Variants in ASCC2 observed in about 807,000 individuals in gnomAD.
ASCC2 encodes the protein activating signal cointegrator 1 complex subunit 2.
ASCC2 carries 42 observed loss-of-function variants against 93.5 expected under a neutral mutation model. The observed-to-expected ratio is 0.45, with a 90% CI of 0.35 to 0.58. The LOEUF (loss-of-function observed/expected upper bound fraction) is 0.58. Ranked by LOEUF, ASCC2 falls within the 20% of genes least tolerant of loss-of-function variation. The pLI, the probability that ASCC2 is intolerant of heterozygous loss-of-function variation, is 0.00. For missense variants in ASCC2, 859 were observed against 977.6 expected (o/e 0.88, Z 1.62); for synonymous variants, 364 against 384.2 (o/e 0.95, Z 0.62).
intron 13 of ASCC2, among the ~76,000 whole-genome samples, chr22:29,802,544 T>C (rs548868317): frequency 6.6e-6 from 1 of 151,824 alleles, no homozygotes; most frequent in Non-Finnish European, 1.5e-5. Flanking sequence ...CTCATACCTA[T>C]AATCCCAGCA....
intron 2 of ASCC2, among the ~76,000 whole-genome samples, chr22:29,827,234 T>G (rs1313088845): frequency 6.6e-6 from 1 of 152,010 alleles, no homozygotes; most frequent in Non-Finnish European, 1.5e-5. Flanking sequence ...AGCCCCTACT[T>G]GCCATGAACA....
intron 5 of ASCC2, among the ~76,000 whole-genome samples, chr22:29,819,802 A>G (rs2061340286): frequency 6.6e-6 from 1 of 152,160 alleles, no homozygotes; most frequent in Non-Finnish European, 1.5e-5. Context: ...CTCTAACTGT[A>G]CCTTCTGATG....
intron 14 of ASCC2, 48 bp from the exon 15 acceptor site, chr22:29,801,158 T>C (rs775148762): frequency 9.0e-6 from 14 of 1,556,420 alleles, no homozygotes; most frequent in Non-Finnish European, 1.2e-5. Context: ...TGCCAGCTGA[T>C]GCAATCTGCA....
chr22:29,806,927 A>G (rs747339261), intron 9 of ASCC2, 23 bp from the exon 10 acceptor site: 1 of 1,594,438 alleles, frequency 6.3e-7, no homozygotes, highest in East Asian at 2.2e-5. Flanking sequence ...GAAAAAAGAC[A>G]CAGGTTTAGG....
chr22:29,788,938 A>T lies in ASCC2; in HGVS notation c.*75T>A. 1.3e-6 allele frequency: 2 copies of T among 1,581,260 alleles called. No individual in the cohort carries two copies. Among genetic ancestry groups the T allele is most frequent in the Non-Finnish European group, 1.7e-6 (2 of 1,155,388 alleles). ...TGAGTTGAACTTGGGGCCCCTAGTGAGGAGGCCCCAGGCGATGGGAGCACG... is the reference window on the plus strand; with the variant it reads ...TGAGTTGAACTTGGGGCCCCTAGTGTGGAGGCCCCAGGCGATGGGAGCACG... On this transcript the variant is annotated 3_prime_UTR_variant, in exon 20 of 20. Transcript: ENST00000307790.
intron 15 of ASCC2, among the ~76,000 whole-genome samples, chr22:29,800,226 C>T (rs1290028031): frequency 1.3e-5 from 2 of 152,214 alleles, no homozygotes; most frequent in Admixed American, 1.3e-4. Context: ...AGTGACCCCT[C>T]CTCACCCTTT....
At chr22:29,830,420 T>C (rs1280196291) in intron 2 of ASCC2, among the ~76,000 whole-genome samples, 1 of 152,220 alleles carries the variant, frequency 6.6e-6, no homozygotes, top group Non-Finnish European at 1.5e-5. Context: ...TCAGGATCTC[T>C]CAAGACTCCA....
In ASCC2 at chr22:29,792,567, C is replaced by T. The variant is rs562156197; in HGVS notation, c.1920-32G>A. On this transcript the variant is annotated intron_variant, in intron 17 of 19. Transcript: ENST00000307790. ...GTGTGGAGAGAAATGAGATCAAAGA[C>T]GAGGTTCAACCAGGAGCAAGAGCCA... 1.8e-4 allele frequency: 290 copies of T among 1,611,586 alleles called. 3 individuals are homozygous for T. The South Asian group carries it at 2.8e-3, about 16-fold the overall frequency.
chr22:29,823,036 T>A (rs929946848), intron 4 of ASCC2, among the ~76,000 whole-genome samples: 14 of 145,118 alleles, frequency 9.6e-5, no homozygotes, highest in South Asian at 4.4e-4. Context: ...TTAAAAAAAA[T>A]TTTTTTTTAA....
At chr22:29,818,419 C>CT (rs1454025982) in intron 5 of ASCC2, among the ~76,000 whole-genome samples, 1 of 30,994 alleles carries the variant, frequency 3.2e-5, no homozygotes, top group Non-Finnish European at 7.8e-5. Flanking sequence ...CACACACACA[C>CT]ACACACACAC....
In ASCC2 at chr22:29,792,513, G is replaced by A. The variant is rs1170451948; in HGVS notation, c.1942C>T (p.Leu648=). ...CCTTCTCTAGGCACTTTGGTTCTCA[G>A]CACCTGAGGGATGGTGAATGGCCTG... The part of the protein sequence containing the change: ...SRRPFTIPQV[L]RTKVPREGQE... Residue 648 remains leucine (L), a synonymous_variant, in exon 18 of 20, where the codon CTG becomes TTG. Transcript: ENST00000307790. 6.2e-6 allele frequency: 10 copies of A among 1,614,014 alleles called. No homozygotes were observed. The highest frequency in any genetic ancestry group is 8.5e-6 in the Non-Finnish European group (10 of 1,179,920).
intron 19 of ASCC2, among the ~76,000 whole-genome samples, chr22:29,789,723 C>T (rs1313724941): frequency 6.6e-6 from 1 of 152,228 alleles, no homozygotes; most frequent in Non-Finnish European, 1.5e-5. Flanking sequence ...CCTTCTGTGG[C>T]TCCCCACTGC....
chr22:29,813,295 C>A, intron 8 of ASCC2, 135 bp downstream of exon 8: 1 of 664,716 alleles, frequency 1.5e-6, no homozygotes, highest in African/African-American at 1.8e-5. Flanking sequence ...GTCGTTTTCA[C>A]TGCTGCATCC....
intron 13 of ASCC2, among the ~76,000 whole-genome samples, chr22:29,803,877 G>C (rs1043549530): frequency 6.6e-6 from 1 of 152,324 alleles, no homozygotes; most frequent in African/African-American, 2.4e-5. Context: ...TTTGTTAATG[G>C]AGCACTGAAG....
Position 29,804,846 on chromosome 22 carries a change from A to G in ASCC2, c.1161-16T>C. 1 of 1,612,980 alleles carries G rather than the reference A, an allele frequency of 6.2e-7. No homozygotes were observed. The highest frequency in any genetic ancestry group is 8.5e-7 in the Non-Finnish European group (1 of 1,179,164). ...CGTCTCGTCCCTGTGAGGACTTGTTAAGGGGTCTGTCTTAAGCTCCTAGCT... is the reference window on the plus strand; with the variant it reads ...CGTCTCGTCCCTGTGAGGACTTGTTGAGGGGTCTGTCTTAAGCTCCTAGCT... On this transcript the variant is annotated splice_polypyrimidine_tract_variant and intron_variant, in intron 12 of 19. Transcript: ENST00000307790.
intron 19 of ASCC2, 67 bp from the exon 20 acceptor site, chr22:29,789,251 C>T: frequency 6.3e-7 from 1 of 1,579,918 alleles, no homozygotes; most frequent in Non-Finnish European, 8.7e-7. Context: ...GGAGAGCCCA[C>T]AGCCTGCCTT....
At chr22:29,808,436 C>T (rs970052301) in intron 8 of ASCC2, among the ~76,000 whole-genome samples, 2 of 152,142 alleles carry the variant, frequency 1.3e-5, no homozygotes, top group African/African-American at 4.8e-5. Flanking sequence ...CAGATAGGCT[C>T]ATACTAACAG....
chr22:29,791,698 A>G (rs2057767280), intron 18 of ASCC2, among the ~76,000 whole-genome samples: 1 of 152,148 alleles, frequency 6.6e-6, no homozygotes, highest in East Asian at 1.9e-4. Flanking sequence ...AACAACAACA[A>G]CAACAAAACA....
At chr22:29,790,661 G>C in intron 18 of ASCC2, 113 bp from the exon 19 acceptor site, 2 of 1,123,770 alleles carry the variant, frequency 1.8e-6, no homozygotes, top group East Asian at 5.0e-5. Context: ...CAGGTGTGGG[G>C]GGAAGCTGCA....
Sources: allele counts gnomAD v4.1 joint callset (sites outside exome capture counted in the v4.1 genomes callset), GRCh38; gene constraint gnomAD v4.1.1; transcripts MANE v1.5; gene names NCBI Gene and HGNC (gene_info 2026-07-23, HGNC 2026-07-21).